Variants in KANK1 observed in about 807,000 individuals in gnomAD.
The protein encoded by KANK1 is KN motif and ankyrin repeat domain-containing protein 1.
A neutral mutation model predicts 106.2 loss-of-function variants in KANK1; 109 were observed. The observed-to-expected ratio is 1.03, with a 90% CI of 0.88 to 1.20. The LOEUF (loss-of-function observed/expected upper bound fraction) is 1.20, where lower values mean the gene tolerates loss of function less well. Ranked by LOEUF, KANK1 falls within the 50% of genes most tolerant of loss-of-function variation. The probability of loss-of-function intolerance (pLI) is 0.00; values close to 1 mark genes in which losing one functional copy is unlikely to be tolerated. For missense variants in KANK1, 2,399 were observed against 1,710.7 expected, an observed-to-expected ratio of 1.40 and a Z score of -7.10; for synonymous variants, 873 against 652.2, an observed-to-expected ratio of 1.34 and a Z score of -5.16.
At chr9:539,581 C>G (rs538242367) in intron 1 of KANK1, 27 of 152,326 alleles carry the variant, frequency 1.8e-4, no homozygotes, top group African/African-American at 6.0e-4. Flanking sequence ...GCATTGAACT[C>G]CTGGGCTCAA....
intron 1 of KANK1, among the ~76,000 whole-genome samples, chr9:656,304 A>G (rs1461401253): frequency 6.6e-6 from 1 of 152,132 alleles, no homozygotes; most frequent in Non-Finnish European, 1.5e-5. Context: ...AGGAGGAAAG[A>G]GTTTAAGTCC....
chr9:631,981 C>A (rs543981180), intron 1 of KANK1, among the ~76,000 whole-genome samples: 1 of 152,176 alleles, frequency 6.6e-6, no homozygotes, highest in Admixed American at 6.5e-5. Context: ...TTACAGTATG[C>A]CATGATAACT....
chr9:746,085 T>C lies in KANK1; in HGVS notation c.*850T>C, dbSNP rs1837087067. The C allele has an allele frequency of 6.6e-6, 1 of 152,564 alleles. No individual in the cohort carries two copies. The highest frequency in any genetic ancestry group is 2.4e-5 in the African/African-American group (1 of 41,390). 9.5% of individuals were successfully genotyped at this position (152,564 alleles called of 1,614,324 possible). On this transcript the variant is annotated 3_prime_UTR_variant, in exon 12 of 12. Transcript: ENST00000382297. Reference sequence around the variant, plus strand: ...TTAGACTCTTGCCATATTTTCAAAATAAAATTCCATTAAGCTCTTTTCCTT... The same window carrying C: ...TTAGACTCTTGCCATATTTTCAAAACAAAATTCCATTAAGCTCTTTTCCTT...
At chr9:526,444 G>T (rs931653232) in intron 1 of KANK1, among the ~76,000 whole-genome samples, 3 of 151,744 alleles carry the variant, frequency 2.0e-5, no homozygotes. Flanking sequence ...TGGGTGTGGT[G>T]GCTCGTGCCT....
chr9:738,311 C>G lies in KANK1; in HGVS notation c.3360C>G (p.His1120Gln), dbSNP rs200250223. The G allele has an allele frequency of 1.9e-6, 3 of 1,613,630 alleles. No homozygotes were observed. Among genetic ancestry groups the G allele is most frequent in the Non-Finnish European group, 8.5e-7 (1 of 1,179,820 alleles). The change falls in exon 8 of 12, where the codon CAC becomes CAG. Residue 1120 changes from histidine to glutamine, a missense_variant. His to Gln is a conservative substitution (Grantham distance 24, BLOSUM62 0). Transcript: ENST00000382297. ...DMRFCLNTLQ[H>Q]EWFRVSSQKS... ...GGTTCTGTCTGAACACCCTCCAGCA[C>G]GAGTGGTTCCGCGTGTCCAGTCAGA...
chr9:493,208 T>C (rs1224834829), intron 3 of KANK1, among the ~76,000 whole-genome samples: 4 of 150,772 alleles, frequency 2.7e-5, no homozygotes, highest in African/African-American at 7.3e-5. Context: ...TAAAAGACAT[T>C]GCAGCCACCA....
At chr9:615,845 G>C (rs903222529) in intron 1 of KANK1, among the ~76,000 whole-genome samples, 1 of 152,194 alleles carries the variant, frequency 6.6e-6, no homozygotes, top group African/African-American at 2.4e-5. Context: ...AGAACGAACA[G>C]GGAAAACAAC....
intron 1 of KANK1, among the ~76,000 whole-genome samples, chr9:525,021 C>G (rs1441248411): frequency 8.0e-6 from 1 of 125,766 alleles, no homozygotes; most frequent in Admixed American, 9.4e-5. Context: ...GAGTCTCACT[C>G]TGTCACCCAG....
chr9:474,654 A>C (rs560847244), intron 3 of KANK1, among the ~76,000 whole-genome samples: 1 of 152,184 alleles, frequency 6.6e-6, no homozygotes, highest in Admixed American at 6.5e-5. Context: ...ATTATCTACC[A>C]CTTCATCATC....
intron 3 of KANK1, chr9:476,572 A>T (rs1164345032): frequency 6.6e-6 from 1 of 152,044 alleles, no homozygotes; most frequent in Non-Finnish European, 1.5e-5. Context: ...CCAAAAGAAA[A>T]GGGGAAACCA....
intron 1 of KANK1, among the ~76,000 whole-genome samples, chr9:618,830 A>G (rs1428544093): frequency 6.6e-6 from 1 of 152,188 alleles, no homozygotes; most frequent in Non-Finnish European, 1.5e-5. Context: ...CATCGCTGAC[A>G]TTTAATACCT....
At chr9:625,170 A>G (rs551030590) in intron 1 of KANK1, among the ~76,000 whole-genome samples, 1 of 152,322 alleles carries the variant, frequency 6.6e-6, no homozygotes, top group African/African-American at 2.4e-5. Flanking sequence ...ATCAGCTCTA[A>G]GAGCCAGATT....
chr9:559,963 A>G (rs911042867), intron 1 of KANK1, among the ~76,000 whole-genome samples: 4 of 152,158 alleles, frequency 2.6e-5, no homozygotes, highest in Admixed American at 2.6e-4. Context: ...TATTGTAGTT[A>G]CGTGTCATCC....
chr9:730,622 G>T (rs1440830593), intron 4 of KANK1: 2 of 293,328 alleles, frequency 6.8e-6, no homozygotes, highest in Non-Finnish European at 1.3e-5. Context: ...GAACCTGGGA[G>T]GTGGAGGTTG....
chr9:700,182 A>T (rs1386635008), intron 2 of KANK1, among the ~76,000 whole-genome samples: 1 of 152,232 alleles, frequency 6.6e-6, no homozygotes, highest in East Asian at 1.9e-4. Context: ...GCAGGCTTAA[A>T]AACAACTCTT....
chr9:630,796 G>A (rs1429144918), intron 1 of KANK1, among the ~76,000 whole-genome samples: 1 of 151,956 alleles, frequency 6.6e-6, no homozygotes, highest in Non-Finnish European at 1.5e-5. Context: ...CCAGCTCCTT[G>A]GGAGGCTGAG....
At chr9:474,052 AT>A (rs1439954549) in intron 3 of KANK1, among the ~76,000 whole-genome samples, 1 of 152,154 alleles carries the variant, frequency 6.6e-6, no homozygotes, top group African/African-American at 2.4e-5. Context: ...CTTTCCCCAC[AT>A]GATGGCTCCT....
intron 1 of KANK1, among the ~76,000 whole-genome samples, chr9:553,166 A>AT (rs1345898120): frequency 3.3e-5 from 5 of 152,120 alleles, no homozygotes; most frequent in African/African-American, 1.2e-4. Flanking sequence ...TGCAATTGTA[A>AT]TTTTGTCACC....
intron 1 of KANK1, among the ~76,000 whole-genome samples, chr9:627,418 G>A (rs1261185017): frequency 6.6e-6 from 1 of 152,036 alleles, no homozygotes; most frequent in African/African-American, 2.4e-5. Context: ...CCCTCCCACT[G>A]GAAGCATTGT....
Sources: allele counts gnomAD v4.1 joint callset (sites outside exome capture counted in the v4.1 genomes callset), GRCh38; gene constraint gnomAD v4.1.1; transcripts MANE v1.5; gene names NCBI Gene and HGNC (gene_info 2026-07-23, HGNC 2026-07-21).